The following ADAM28 variants were observed in gnomAD, a reference collection of about 807,000 sequenced individuals.
The protein encoded by ADAM28 is ADAM metallopeptidase domain 28.
A neutral mutation model predicts 101.2 loss-of-function variants in ADAM28; 105 were observed. The ratio of observed to expected loss-of-function variants is 1.04; its 90% CI spans 0.89 to 1.22. ADAM28 has a LOEUF of 1.22. ADAM28 is among the 50% of genes most tolerant of loss of function. The probability of loss-of-function intolerance (pLI) is 0.00; values close to 1 mark genes in which losing one functional copy is unlikely to be tolerated. For synonymous variants in ADAM28, 322 were observed against 310.6 expected, an observed-to-expected ratio of 1.04 and a Z score of -0.39; for missense variants, 1,028 against 945.4, an observed-to-expected ratio of 1.09 and a Z score of -1.15.
intron 1 of ADAM28, among the ~76,000 whole-genome samples, chr8:24,296,720 T>C (rs1326556029): frequency 6.6e-6 from 1 of 152,200 alleles, no homozygotes; most frequent in East Asian, 1.9e-4. Context: ...TCAAGACTAA[T>C]CCAGTGTGTG....
At chr8:24,351,656 T>C (rs988183743) in intron 20 of ADAM28, 1 of 462,272 alleles carries the variant, frequency 2.2e-6, no homozygotes, top group African/African-American at 2.0e-5. Flanking sequence ...TACAAAAATA[T>C]GTATGTCTGT....
intron 2 of ADAM28, among the ~76,000 whole-genome samples, chr8:24,306,152 C>G (rs1029201946): frequency 6.6e-6 from 1 of 151,556 alleles, no homozygotes; most frequent in Non-Finnish European, 1.5e-5. Flanking sequence ...GTCCGACCAA[C>G]ATGGTGAAAC....
chr8:24,311,532 A>G, intron 5 of ADAM28, 95 bp downstream of exon 5: 2 of 881,246 alleles, frequency 2.3e-6, no homozygotes, highest in Non-Finnish European at 3.3e-6. Context: ...ATTAATTTTT[A>G]TATAGTTGAA....
At chr8:24,353,690 C>A in intron 21 of ADAM28, 80 bp from the exon 22 acceptor site, 1 of 981,118 alleles carries the variant, frequency 1.0e-6, no homozygotes, top group Non-Finnish European at 1.6e-6. Context: ...GAAATAATTT[C>A]ATTAAGGAAA....
At chr8:24,297,739 A>T (rs1808166233) in intron 1 of ADAM28, among the ~76,000 whole-genome samples, 1 of 152,166 alleles carries the variant, frequency 6.6e-6, no homozygotes, top group Non-Finnish European at 1.5e-5. Flanking sequence ...TCATCAGTTA[A>T]TTTCTGGCAG....
Position 24,331,164 on chromosome 8 carries a change from C to T in ADAM28, c.1118C>T (p.Thr373Ile), listed in dbSNP as rs1813309438. The T allele has an allele frequency of 1.2e-6, 2 of 1,611,512 alleles. No individual in the cohort carries two copies. Among genetic ancestry groups the T allele is most frequent in the South Asian group, 1.1e-5 (1 of 90,486 alleles). ...TATCTTCACAGCTTCTATATACCCA[C>T]AGACTTCAGTTCCTGCAGCCGTCTC... ...MDKALSFYIP[T>I]DFSSCSRLSY... Residue 373 changes from threonine to isoleucine, a missense_variant, in exon 12 of 23, where the codon ACA becomes ATA. Coordinates refer to ENST00000265769, the MANE Select transcript of ADAM28 (RefSeq NM_014265.6).
intron 1 of ADAM28, among the ~76,000 whole-genome samples, chr8:24,299,264 C>G (rs1433871256): frequency 6.6e-6 from 1 of 152,164 alleles, no homozygotes; most frequent in African/African-American, 2.4e-5. Flanking sequence ...TAGGTTGGAT[C>G]AAATCACTTT....
chr8:24,318,238 C>T (rs985438384), intron 6 of ADAM28, among the ~76,000 whole-genome samples: 2 of 152,000 alleles, frequency 1.3e-5, no homozygotes, highest in Admixed American at 1.3e-4. Context: ...CCTCTTATCC[C>T]TCTGTTTCCA....
intron 14 of ADAM28, among the ~76,000 whole-genome samples, chr8:24,338,342 A>G (rs546404140): frequency 6.6e-6 from 1 of 152,356 alleles, no homozygotes; most frequent in Admixed American, 6.5e-5. Context: ...GTTATAAAAC[A>G]GCATGATGCC....
At chr8:24,301,230 C>A (rs546579840) in intron 2 of ADAM28, among the ~76,000 whole-genome samples, 1 of 152,158 alleles carries the variant, frequency 6.6e-6, no homozygotes, top group Non-Finnish European at 1.5e-5. Flanking sequence ...CCCCATTTCC[C>A]AAAATAATTA....
chr8:24,331,317 G>A lies in ADAM28; in HGVS notation c.1271G>A (p.Gly424Glu). ...LVEMGEDCDCGTSEECTNICC... is the reference protein window; with the variant it reads ...LVEMGEDCDCETSEECTNICC... The stretch of plus-strand genomic sequence containing the variant: ...GAAATGGGAGAGGACTGTGATTGTG[G>A]GACATCTGAGGTATGGCCAATCACT... Residue 424 changes from glycine (G) to glutamate (E), a missense_variant, in exon 12 of 23, where the codon GGG becomes GAG. Coordinates refer to ENST00000265769, the MANE Select transcript of ADAM28 (RefSeq NM_014265.6). 6.2e-7 allele frequency: 1 copy of A among 1,603,060 alleles called. No individual in the cohort carries two copies. The highest frequency in any genetic ancestry group is 8.5e-7 in the Non-Finnish European group (1 of 1,175,494).
chr8:24,310,766 T>G (rs1464549757), intron 4 of ADAM28, among the ~76,000 whole-genome samples: 2 of 152,152 alleles, frequency 1.3e-5, no homozygotes, highest in East Asian at 3.9e-4. Context: ...AGCATTGTTC[T>G]CTGTAGCAAT....
intron 6 of ADAM28, among the ~76,000 whole-genome samples, chr8:24,315,723 C>G (rs7007782): frequency 0.048 from 7,284 of 151,876 alleles, 249 homozygotes; most frequent in East Asian, 0.093. Context: ...AAACTACAGG[C>G]CAATAATTCT....
intron 2 of ADAM28, among the ~76,000 whole-genome samples, chr8:24,304,855 C>T (rs915584750): frequency 6.7e-6 from 1 of 149,722 alleles, no homozygotes; most frequent in African/African-American, 2.5e-5. Flanking sequence ...GCAGAGGTTG[C>T]AGTGAGCTGA....
In ADAM28 at chr8:24,350,864, GTTT is replaced by G. The variant is rs35073591; in HGVS notation, c.2100-344_2100-342del. ...ACGAACGTGATTCTGGCACAACGGTGTTTTTTTTTTTTTTTTTTTTTTTTTTAG... is the reference window on the plus strand; with the variant it reads ...ACGAACGTGATTCTGGCACAACGGTGTTTTTTTTTTTTTTTTTTTTTTTAG... On this transcript the variant is annotated intron_variant, in intron 19 of 22. Coordinates refer to ENST00000265769, the MANE Select transcript of ADAM28 (RefSeq NM_014265.6). Among the ~76,000 whole-genome samples the G allele has an allele frequency of 3.2e-3, 468 of 148,252 alleles. 3 individuals are homozygous for G. The highest frequency in any genetic ancestry group is 0.019 in the Admixed American group (282 of 14,896).
chr8:24,300,096 C>A lies in ADAM28; in HGVS notation c.150+19C>A. ...GCAACAGGTACAGCTTTTGATTTAT[C>A]AAAGGATCTTGATTTGAGATACATA... On this transcript the variant is annotated intron_variant, in intron 2 of 22. Coordinates refer to ENST00000265769, the MANE Select transcript of ADAM28 (RefSeq NM_014265.6). The A allele has an allele frequency of 6.3e-7, 1 of 1,591,158 alleles. No individual in the cohort carries two copies. The highest frequency in any genetic ancestry group is 1.1e-5 in the South Asian group (1 of 89,174).
chr8:24,347,328 G>C (rs1173389739), intron 18 of ADAM28, among the ~76,000 whole-genome samples: 1 of 151,852 alleles, frequency 6.6e-6, no homozygotes. Context: ...TATACTCTTG[G>C]GTGATATTGG....
Position 24,339,448 on chromosome 8 carries a change from G to C in ADAM28, c.1568-18G>C. The C allele has an allele frequency of 6.3e-7, 1 of 1,588,894 alleles. No individual in the cohort carries two copies. Among genetic ancestry groups the C allele is most frequent in the Non-Finnish European group, 8.6e-7 (1 of 1,160,306 alleles). ...AAAAATCTATTTTCTTTTCCCTGCT[G>C]ACTGATCCTGGTCCCAGGAACTGAG... On this transcript the variant is annotated intron_variant, in intron 14 of 22. Coordinates refer to ENST00000265769, the MANE Select transcript of ADAM28 (RefSeq NM_014265.6).
At position 24,341,585 on chromosome 8, in the gene ADAM28, GC is replaced by G. The variant is rs755680317; in HGVS notation, c.1671-12del. 24 of 1,607,876 alleles carry G rather than the reference GC, an allele frequency of 1.5e-5. 1 individual carries two copies. In the South Asian group the frequency reaches 2.5e-4, roughly 17 times the overall value. On this transcript the variant is annotated splice_polypyrimidine_tract_variant and intron_variant, in intron 15 of 22. Transcript: ENST00000265769. Reference sequence around the variant, plus strand: ...AATTTGAATCCTGCAATACATTTTGGCTTTTTCCTCAGTGATACCATGTGTG... The same window carrying G: ...AATTTGAATCCTGCAATACATTTTGGTTTTTCCTCAGTGATACCATGTGTG...
Sources: allele counts gnomAD v4.1 joint callset (sites outside exome capture counted in the v4.1 genomes callset), GRCh38; gene constraint gnomAD v4.1.1; transcripts MANE v1.5; gene names NCBI Gene and HGNC (gene_info 2026-07-23, HGNC 2026-07-21).